Variants in PPM1G observed in about 807,000 individuals in gnomAD.
The protein encoded by PPM1G is protein phosphatase, Mg2+/Mn2+ dependent 1G, also known as protein phosphatase 1G.
In PPM1G, 12 loss-of-function variants were observed where a neutral mutation model predicts 59.4. The observed-to-expected ratio is 0.20, with a 90% CI of 0.13 to 0.33. The LOEUF (loss-of-function observed/expected upper bound fraction) is 0.33. PPM1G is among the 10% of genes least tolerant of loss of function. PPM1G has a pLI of 1.00. For synonymous variants in PPM1G, 245 were observed against 251.9 expected (o/e 0.97, Z 0.26); for missense variants, 392 against 681.3 (o/e 0.58, Z 4.73).
chr2:27,400,571 C>T (rs961401666), intron 1 of PPM1G, among the ~76,000 whole-genome samples: 2 of 151,974 alleles, frequency 1.3e-5, no homozygotes, highest in African/African-American at 4.8e-5. Flanking sequence ...CTGGACAACA[C>T]AGTAAGACCC....
At chr2:27,407,206 T>C (rs11687957) in intron 1 of PPM1G, among the ~76,000 whole-genome samples, 2,086 of 152,040 alleles carry the variant, frequency 0.014, 21 homozygotes, top group Middle Eastern at 0.072. Context: ...GCTCAGGCAA[T>C]CCGCCCGCCG....
chr2:27,393,997 C>T (rs1443901399), intron 1 of PPM1G, among the ~76,000 whole-genome samples: 5 of 152,092 alleles, frequency 3.3e-5, no homozygotes, highest in East Asian at 2.0e-4. Flanking sequence ...CTCCTGACCT[C>T]GTGATCCACC....
intron 1 of PPM1G, among the ~76,000 whole-genome samples, chr2:27,388,943 G>C (rs1419970869): frequency 6.8e-6 from 1 of 146,892 alleles, no homozygotes; most frequent in Non-Finnish European, 1.5e-5. Context: ...AACAACCACA[G>C]AGGGTGAGAT....
intron 1 of PPM1G, among the ~76,000 whole-genome samples, chr2:27,396,416 G>C (rs981095595): frequency 2.6e-5 from 4 of 152,156 alleles, no homozygotes; most frequent in African/African-American, 7.2e-5. Flanking sequence ...AGAGAATGGG[G>C]ACTCATTTAA....
At chr2:27,391,718 G>A (rs930144327) in intron 1 of PPM1G, among the ~76,000 whole-genome samples, 5 of 151,384 alleles carry the variant, frequency 3.3e-5, no homozygotes, top group Non-Finnish European at 7.4e-5. Flanking sequence ...GTTTCTACAG[G>A]ATGTTCTTTT....
At chr2:27,402,401 AAGGAATC>A (rs1422661944) in intron 1 of PPM1G, among the ~76,000 whole-genome samples, 5 of 152,238 alleles carry the variant, frequency 3.3e-5, no homozygotes, top group African/African-American at 4.8e-5. Context: ...AACAACTGCT[AAGGAATC>A]AGACAATAGA....
At position 27,383,849 on chromosome 2, in the gene PPM1G, CA is replaced by C; in HGVS notation, c.966+102del. On this transcript the variant is annotated intron_variant, in intron 6 of 9. Transcript: ENST00000344034. The surrounding 1 kb of genome is among the most constrained non-coding windows in gnomAD (Gnocchi z 5.0). ...AATAAATCCCCATGACTATTACTTC[CA>C]TCCTAAAGTATCAGGGGGATCCCCT... is the stretch of plus-strand genomic sequence containing the variant. The C allele has an allele frequency of 6.8e-7, 1 of 1,478,560 alleles. No homozygotes were observed. The highest frequency in any genetic ancestry group is 9.1e-7 in the Non-Finnish European group (1 of 1,098,172). The allele number at this position is 1,478,560 out of a possible 1,614,324, so 91.6% of individuals were successfully genotyped here.
At chr2:27,391,405 T>G (rs551578480) in intron 1 of PPM1G, among the ~76,000 whole-genome samples, 4 of 152,246 alleles carry the variant, frequency 2.6e-5, no homozygotes, top group Non-Finnish European at 5.9e-5. Context: ...TATCTCTTTG[T>G]GGTTCTAATT....
intron 2 of PPM1G, chr2:27,386,542 A>G (rs984124584): frequency 3.4e-5 from 9 of 266,646 alleles, no homozygotes; most frequent in East Asian, 7.5e-5. Context: ...ATAAAGAATC[A>G]GCTCAACTGG....
Position 27,384,826 on chromosome 2 carries a change from T to C in PPM1G, c.672A>G (p.Ala224=). The C allele has an allele frequency of 6.2e-7, 1 of 1,614,220 alleles. No homozygotes were observed. The highest frequency in any genetic ancestry group is 1.6e-4 in the Middle Eastern group (1 of 6,062). The part of the protein sequence containing the change: ...FSSNSERGTE[A]GQVGEPGIPT... The stretch of plus-strand genomic sequence containing the variant: ...GAATGCCAGGCTCACCAACTTGGCC[T>C]GCCTCAGTCCCACGTTCCGAGTTGG... Residue 224 remains alanine, a synonymous_variant, in exon 5 of 10, where the codon GCA becomes GCG. Coordinates refer to ENST00000344034, the MANE Select transcript of PPM1G (RefSeq NM_177983.3). The surrounding 1 kb of genome is among the most constrained non-coding windows in gnomAD (Gnocchi z 4.8).
intron 1 of PPM1G, among the ~76,000 whole-genome samples, chr2:27,388,408 C>CTAAA (rs747765635): frequency 2.6e-5 from 4 of 151,588 alleles, no homozygotes; most frequent in East Asian, 2.0e-4. Flanking sequence ...GACTCCGTCT[C>CTAAA]TAAATAAATA....
At chr2:27,408,334 T>C (rs548294123) in intron 1 of PPM1G, among the ~76,000 whole-genome samples, 63 of 152,278 alleles carry the variant, frequency 4.1e-4, no homozygotes, top group African/African-American at 1.4e-3. Flanking sequence ...CCTGGCCCTT[T>C]TGCCTAGACT....
At chr2:27,389,210 T>C (rs1683839582) in intron 1 of PPM1G, among the ~76,000 whole-genome samples, 2 of 152,156 alleles carry the variant, frequency 1.3e-5, no homozygotes, top group South Asian at 4.1e-4. Context: ...ATAAAAGCCC[T>C]TTGTAAACTG....
At chr2:27,386,986 G>T in intron 2 of PPM1G, 103 bp downstream of exon 2, 1 of 884,960 alleles carries the variant, frequency 1.1e-6, no homozygotes, top group Non-Finnish European at 1.9e-6. Context: ...ATGATAATGA[G>T]GGCCAGACCC....
intron 1 of PPM1G, among the ~76,000 whole-genome samples, chr2:27,392,286 GTTTTTT>G (rs70953857): frequency 0.017 from 1,216 of 70,294 alleles, 9 homozygotes; most frequent in Non-Finnish European, 0.025. Context: ...GGTTTGTTTT[GTTTTTT>G]TTTTTTTTTT....
At chr2:27,393,279 T>C (rs559360628) in intron 1 of PPM1G, 3 of 1,596,696 alleles carry the variant, frequency 1.9e-6, no homozygotes, top group East Asian at 2.2e-5. Flanking sequence ...GGAGGAGGCG[T>C]AGAGCTCCAG....
chr2:27,385,105 A>G lies in PPM1G; in HGVS notation c.410-17T>C. The G allele has an allele frequency of 6.4e-7, 1 of 1,567,242 alleles. No homozygotes were observed. The highest frequency in any genetic ancestry group is 8.6e-7 in the Non-Finnish European group (1 of 1,159,038). ...CATTGTCCACTGCAGGGAAGAGGCT[A>G]AATCAGAGCCCCCATGCCAGACTCC... On this transcript the variant is annotated splice_polypyrimidine_tract_variant and intron_variant, in intron 4 of 9. Coordinates refer to ENST00000344034, the MANE Select transcript of PPM1G (RefSeq NM_177983.3). The surrounding 1 kb of genome is among the most constrained non-coding windows in gnomAD (Gnocchi z 4.1).
Position 27,382,961 on chromosome 2 carries a change from G to A in PPM1G, c.1202-356C>T, listed in dbSNP as rs750297498. On this transcript the variant is annotated intron_variant, in intron 7 of 9. Coordinates refer to ENST00000344034, the MANE Select transcript of PPM1G (RefSeq NM_177983.3). This position sits in a 1 kb window ranked among gnomAD's most constrained non-coding sequence, Gnocchi z 4.2. ...CTGCCTCAGCCTCCTGAGTAGCTGG[G>A]ATTACAGGCTTGCACTACCATGCCC... 3.0e-4 allele frequency among the ~76,000 whole-genome samples: 45 copies of A among 151,864 alleles called. No individual in the cohort carries two copies. The highest frequency in any genetic ancestry group is 5.6e-4 in the Non-Finnish European group (38 of 67,918).
intron 1 of PPM1G, among the ~76,000 whole-genome samples, chr2:27,401,652 CCT>C (rs1684182496): frequency 6.6e-6 from 1 of 152,034 alleles, no homozygotes; most frequent in African/African-American, 2.4e-5. Context: ...ATGGTGAAAC[CCT>C]GTTTCTACTG....
Sources: allele counts gnomAD v4.1 joint callset (sites outside exome capture counted in the v4.1 genomes callset), GRCh38; gene constraint gnomAD v4.1.1; non-coding constraint Gnocchi (gnomAD v3.1); transcripts MANE v1.5; gene names NCBI Gene and HGNC (gene_info 2026-07-23, HGNC 2026-07-21).